The following SLC26A9 variants were observed in gnomAD, a reference collection of about 807,000 sequenced individuals.
SLC26A9 encodes solute carrier family 26 member 9.
Under a neutral mutation model 87.1 loss-of-function variants are expected in SLC26A9, and 46 were observed. The ratio of observed to expected loss-of-function variants is 0.53; its 90% confidence interval spans 0.42 to 0.67. The LOEUF (loss-of-function observed/expected upper bound fraction) is 0.67, where lower values mean the gene tolerates loss of function less well. Ranked by LOEUF, SLC26A9 falls within the 30% of genes least tolerant of loss-of-function variation. The pLI, the probability that SLC26A9 is intolerant of heterozygous loss-of-function variation, is 0.00. For synonymous variants in SLC26A9, 437 were observed against 409.1 expected, an observed-to-expected ratio of 1.07 and a Z score of -0.82; for missense variants, 927 against 1,018.3, an observed-to-expected ratio of 0.91 and a Z score of 1.22.
At chr1:205,927,361 C>T (rs1659116406) in intron 10 of SLC26A9, 73 bp from the exon 11 acceptor site, 1 of 1,576,464 alleles carries the variant, frequency 6.3e-7, no homozygotes, top group Non-Finnish European at 8.7e-7. Context: ...CAATCCATGG[C>T]TTTGGTGGAG....
In SLC26A9 at chr1:205,932,733, G is replaced by A. The variant is rs1293649033; in HGVS notation, c.345C>T (p.Phe115=). 4 of 1,591,028 alleles carry A rather than the reference G, an allele frequency of 2.5e-6. No individual in the cohort carries two copies. In the Admixed American group the frequency reaches 7.0e-5, roughly 28 times the overall value. ...YSSFFPLLTY[F]FLGGVHQMVP... Reference sequence around the variant, plus strand: ...CCATCTGGTGAACACCCCCCAGGAAGAAGTAGGTCAGGAGGGGGAAGAAGG... The same window carrying A: ...CCATCTGGTGAACACCCCCCAGGAAAAAGTAGGTCAGGAGGGGGAAGAAGG... The change falls in exon 4 of 21, where the codon TTC becomes TTT. Residue 115 remains phenylalanine, a synonymous_variant. Transcript: ENST00000367135.
chr1:205,917,704 C>T (rs1358820045), intron 19 of SLC26A9, among the ~76,000 whole-genome samples: 3 of 152,178 alleles, frequency 2.0e-5, no homozygotes, highest in Non-Finnish European at 4.4e-5. Flanking sequence ...TAACCAGCCT[C>T]ACTTTGCCTG....
intron 12 of SLC26A9, 64 bp downstream of exon 12, chr1:205,926,471 G>A: frequency 1.5e-6 from 2 of 1,334,378 alleles, no homozygotes; most frequent in South Asian, 2.3e-5. Context: ...AGGGCTGACA[G>A]GGCTGTGGGG....
intron 8 of SLC26A9, 79 bp downstream of exon 8, chr1:205,928,748 C>T (rs12568779): frequency 0.11 from 148,292 of 1,348,404 alleles, 15,168 homozygotes; most frequent in East Asian, 0.58. Context: ...TAGAGTTCAT[C>T]TTGTCTCCCT....
At chr1:205,939,923 C>T (rs904736771) in intron 1 of SLC26A9, among the ~76,000 whole-genome samples, 1 of 152,198 alleles carries the variant, frequency 6.6e-6, no homozygotes, top group African/African-American at 2.4e-5. Context: ...CCTGCCCCCA[C>T]CACCCCTCCA....
intron 17 of SLC26A9, 50 bp from the exon 18 acceptor site, chr1:205,920,280 T>C: frequency 6.2e-7 from 1 of 1,609,360 alleles, no homozygotes; most frequent in African/African-American, 1.3e-5. Flanking sequence ...ATGTTCTGAG[T>C]GGGTCTCAAA....
rs553760871 is a variant in SLC26A9, at chr1:205,915,271, G to A, written c.*86C>T. 6,617 of 1,602,436 alleles carry A rather than the reference G, an allele frequency of 4.1e-3. 30 individuals are homozygous for A. The highest frequency in any genetic ancestry group is 4.6e-3 in the Non-Finnish European group (5,418 of 1,173,104). The stretch of plus-strand genomic sequence containing the variant: ...CTGGGGGATGCACTTTCCTCCGCCC[G>A]ACACCCCCTGTGACCCCAGGCTCAT... On this transcript the variant is annotated 3_prime_UTR_variant, in exon 21 of 21. Transcript: ENST00000367135.
intron 1 of SLC26A9, among the ~76,000 whole-genome samples, chr1:205,940,240 G>A (rs1267644236): frequency 6.6e-6 from 1 of 152,166 alleles, no homozygotes; most frequent in African/African-American, 2.4e-5. Context: ...GGGAAGCAAA[G>A]AGAAAATAGA....
Position 205,924,467 on chromosome 1 carries a change from A to C in SLC26A9, c.1412T>G (p.Leu471Arg). Residue 471 changes from leucine to arginine, a missense_variant, in exon 13 of 21, where the codon CTC becomes CGC. By Grantham distance (102) the Leu-to-Arg change is moderately radical. Transcript: ENST00000367135. ...LDCCIWVVSF[L>R]SSFFLSLPYG... ...GGGCAGGCTGAGGAAGAAGGAGGAG[A>C]GGAAGCTCACTACCCAGATGCACTG... The C allele has an allele frequency of 6.2e-7, 1 of 1,614,198 alleles. No homozygotes were observed. Among genetic ancestry groups the C allele is most frequent in the Admixed American group, 1.7e-5 (1 of 60,030 alleles).
Position 205,920,160 on chromosome 1 carries a change from G to A in SLC26A9, c.2110+16C>T. 6 of 1,613,662 alleles carry A rather than the reference G, an allele frequency of 3.7e-6. No individual in the cohort carries two copies. Among genetic ancestry groups the A allele is most frequent in the Non-Finnish European group, 5.1e-6 (6 of 1,179,682 alleles). On this transcript the variant is annotated intron_variant, in intron 18 of 20. Transcript: ENST00000367135. ...CTTGCCAGTCTTTCAGTCCCTAAAT[G>A]TCCTCTTTCTCTTACCATGGATGTT... is the stretch of plus-strand genomic sequence containing the variant.
At position 205,919,621 on chromosome 1, in the gene SLC26A9, T is replaced by C. The variant is rs558031527; in HGVS notation, c.2110+555A>G. On this transcript the variant is annotated intron_variant, in intron 18 of 20. Coordinates refer to ENST00000367135, the MANE Select transcript of SLC26A9 (RefSeq NM_052934.4). ...GTGTCTGTGTGCACTTGCTCCCACA[T>C]CTCTGCACTTTGCGTACATGCTAGT... 7.2e-5 allele frequency among the ~76,000 whole-genome samples: 11 copies of C among 152,298 alleles called. No individual in the cohort carries two copies. The East Asian group carries it at 1.9e-3, about 27-fold the overall frequency.
rs1658442522 is a variant in SLC26A9, at chr1:205,913,213, T to G, written c.*2144A>C. The G allele has an allele frequency of 6.6e-6, 1 of 152,242 alleles. No individual in the cohort carries two copies. Among genetic ancestry groups the G allele is most frequent in the Admixed American group, 6.5e-5 (1 of 15,288 alleles). 9.4% of individuals were successfully genotyped at this position (152,242 alleles called of 1,614,324 possible). A position where few individuals can be genotyped will look rare whatever the true frequency, so the allele number is the denominator to read the frequency against. On this transcript the variant is annotated 3_prime_UTR_variant, in exon 21 of 21. Coordinates refer to ENST00000367135, the MANE Select transcript of SLC26A9 (RefSeq NM_052934.4). ...CTAAGAACATTCAAAAGCATTGAAA[T>G]TCTGGATTATTTCACTACTTTGCCT...
chr1:205,926,654 A>G, intron 11 of SLC26A9, 24 bp from the exon 12 acceptor site: 1 of 1,604,180 alleles, frequency 6.2e-7, no homozygotes, highest in Admixed American at 1.7e-5. Flanking sequence ...ACATTGCTCC[A>G]GGACCCCAGG....
intron 2 of SLC26A9, among the ~76,000 whole-genome samples, 166 bp from the exon 3 acceptor site, chr1:205,933,250 A>G (rs552499923): frequency 3.9e-5 from 6 of 152,300 alleles, no homozygotes; most frequent in African/African-American, 1.2e-4. Context: ...TTTTCTTGAG[A>G]GCTCATCAAC....
Position 205,923,332 on chromosome 1 carries a change from T to TA in SLC26A9, c.1659+2dup. ...CCTCTGGTCGCCAGGGACTGAGCCT[T>TA]ACCTTGGCGATGACCTTTTGCCTGA... On this transcript the variant is annotated splice_region_variant and intron_variant, in intron 15 of 20. Coordinates refer to ENST00000367135, the MANE Select transcript of SLC26A9 (RefSeq NM_052934.4). 1.2e-6 allele frequency: 2 copies of TA among 1,614,054 alleles called. No individual in the cohort carries two copies. Among genetic ancestry groups the TA allele is most frequent in the Non-Finnish European group, 8.5e-7 (1 of 1,179,952 alleles).
At chr1:205,931,010 T>C (rs902451127) in intron 5 of SLC26A9, among the ~76,000 whole-genome samples, 2 of 152,222 alleles carry the variant, frequency 1.3e-5, no homozygotes, top group Admixed American at 6.5e-5. Context: ...TACTTATCTT[T>C]GTATCCCAGG....
intron 12 of SLC26A9, among the ~76,000 whole-genome samples, chr1:205,925,526 G>T (rs7367849): frequency 1.3e-5 from 2 of 151,966 alleles, no homozygotes; most frequent in African/African-American, 4.8e-5. Flanking sequence ...AGATCCTTGG[G>T]CTGGGAACTG....
At chr1:205,916,070 G>A (rs927171426) in intron 20 of SLC26A9, among the ~76,000 whole-genome samples, 2 of 151,432 alleles carry the variant, frequency 1.3e-5, no homozygotes, top group African/African-American at 4.9e-5. Flanking sequence ...TGGGGATGGT[G>A]ATCCCTCATA....
In SLC26A9 at chr1:205,915,067, G is replaced by A. The variant is rs1302717262; in HGVS notation, c.*290C>T. 1.2e-6 allele frequency: 2 copies of A among 1,613,956 alleles called. No homozygotes were observed. The highest frequency in any genetic ancestry group is 2.7e-5 in the African/African-American group (2 of 74,918). ...TGCCAAGGACAGGGCAGAGGTGGGT[G>A]GGGTGGAGTGAGCAGGAGGCTTGTC... On this transcript the variant is annotated 3_prime_UTR_variant, in exon 21 of 21. Transcript: ENST00000367135.
Sources: allele counts gnomAD v4.1 joint callset (sites outside exome capture counted in the v4.1 genomes callset), GRCh38; gene constraint gnomAD v4.1.1; transcripts MANE v1.5; gene names NCBI Gene and HGNC (gene_info 2026-07-23, HGNC 2026-07-21).